Variants in SMAD1 observed in about 807,000 individuals in gnomAD.
SMAD1 encodes SMAD family member 1, also known as MAD, mothers against decapentaplegic homolog 1.
Under a neutral mutation model 41.6 loss-of-function variants are expected in SMAD1, and 6 were observed. The observed-to-expected ratio is 0.14, with a 90% CI of 0.08 to 0.28. The LOEUF (loss-of-function observed/expected upper bound fraction) is 0.28. Ranked by LOEUF, SMAD1 falls within the 10% of genes least tolerant of loss-of-function variation. The probability of loss-of-function intolerance (pLI) is 1.00; values close to 1 mark genes in which losing one functional copy is unlikely to be tolerated. For missense variants in SMAD1, 379 were observed against 582.6 expected, an observed-to-expected ratio of 0.65 and a Z score of 3.60; for synonymous variants, 206 against 203.2, an observed-to-expected ratio of 1.01 and a Z score of -0.12.
rs541672752 is a variant in SMAD1 at position 145,549,221 on chromosome 4, T to C, written c.997+2297T>C. Among the ~76,000 whole-genome samples, 56 of 152,276 alleles carry C rather than the reference T, an allele frequency of 3.7e-4. 1 individual carries two copies. The highest frequency in any genetic ancestry group is 1.1e-3 in the Admixed American group (17 of 15,294). Reference sequence around the variant, plus strand: ...TGAACAGGAGAAAAAATATTAATACTGTAAGGGACATTATTGAGATCAGCA... The same window carrying C: ...TGAACAGGAGAAAAAATATTAATACCGTAAGGGACATTATTGAGATCAGCA... On this transcript the variant is annotated intron_variant, in intron 5 of 6. Coordinates refer to ENST00000302085, the MANE Select transcript of SMAD1 (RefSeq NM_005900.3).
intron 1 of SMAD1, among the ~76,000 whole-genome samples, chr4:145,507,232 A>G (rs2118438): frequency 0.82 from 123,744 of 151,224 alleles, 51,626 homozygotes; most frequent in African/African-American, 0.96. Flanking sequence ...ATAAAAAATC[A>G]GAAGTTACAT....
chr4:145,527,712 T>C (rs1339230229), intron 2 of SMAD1, among the ~76,000 whole-genome samples: 1 of 152,038 alleles, frequency 6.6e-6, no homozygotes, highest in Non-Finnish European at 1.5e-5. Flanking sequence ...CTTTAATCAG[T>C]TTTCTCTCAA....
chr4:145,530,466 G>A (rs1046816263), intron 2 of SMAD1, among the ~76,000 whole-genome samples: 1 of 152,082 alleles, frequency 6.6e-6, no homozygotes, highest in Non-Finnish European at 1.5e-5. Context: ...AATAATCTGT[G>A]GTATACAAAA....
chr4:145,557,012 G>C (rs1178185783), intron 6 of SMAD1, among the ~76,000 whole-genome samples: 1 of 150,568 alleles, frequency 6.6e-6, no homozygotes, highest in Non-Finnish European at 1.5e-5. Flanking sequence ...GGAGTAGATA[G>C]ATAGCAGAAA....
intron 5 of SMAD1, among the ~76,000 whole-genome samples, chr4:145,553,354 A>C (rs1371615838): frequency 1.3e-5 from 2 of 152,128 alleles, no homozygotes; most frequent in Admixed American, 1.3e-4. Context: ...AGTTTCATGG[A>C]AGACAATTTT....
rs1029880338 is a variant in SMAD1, at chr4:145,482,233, C to A, written c.-177+195C>A. Among the ~76,000 whole-genome samples, 5 of 150,394 alleles carry A rather than the reference C, an allele frequency of 3.3e-5. No homozygotes were observed. Among genetic ancestry groups the A allele is most frequent in the African/African-American group, 7.3e-5 (3 of 41,218 alleles). On this transcript the variant is annotated intron_variant, in intron 1 of 6. Transcript: ENST00000302085. The surrounding 1 kb of genome is among the most constrained non-coding windows in gnomAD (Gnocchi z 4.2). Reference sequence around the variant, plus strand: ...GCGGGGCGGGCCGCGACCCCCCCCCCCCATGATGGCGCCTCCCGTCTGCTC... The same window carrying A: ...GCGGGGCGGGCCGCGACCCCCCCCCACCATGATGGCGCCTCCCGTCTGCTC...
rs555989727 is a variant in SMAD1, at chr4:145,544,805, A to T, written c.776-1898A>T. 9.2e-5 allele frequency: 14 copies of T among 152,288 alleles called. No homozygotes were observed. The East Asian group carries it at 2.1e-3, about 23-fold the overall frequency. The allele number at this position is 152,288 out of a possible 1,614,324, so 9.4% of individuals were successfully genotyped here. A position where few individuals can be genotyped will look rare whatever the true frequency, so the allele number is the denominator to read the frequency against. ...GGGGGAAATAACCCCTATCTCACAC[A>T]TCTGTGGAATTTATATTTGGGGACC... On this transcript the variant is annotated intron_variant, in intron 4 of 6. Transcript: ENST00000302085.
chr4:145,536,333 G>C (rs1731612618), intron 2 of SMAD1, among the ~76,000 whole-genome samples: 2 of 152,096 alleles, frequency 1.3e-5, no homozygotes, highest in Non-Finnish European at 2.9e-5. Context: ...CTCACTAAAG[G>C]GAACCAGAGA....
chr4:145,546,371 G>T, intron 4 of SMAD1: 1 of 242,986 alleles, frequency 4.1e-6, no homozygotes, highest in Non-Finnish European at 8.1e-6. Flanking sequence ...GTCTGTGGTA[G>T]GGGTGATTTC....
chr4:145,492,890 A>G (rs1336998912), intron 1 of SMAD1, among the ~76,000 whole-genome samples: 5 of 152,248 alleles, frequency 3.3e-5, no homozygotes, highest in African/African-American at 9.6e-5. Context: ...TATGCTGCCC[A>G]TAAGGGGATG....
At chr4:145,512,939 T>G (rs1191322578) in intron 1 of SMAD1, among the ~76,000 whole-genome samples, 1 of 152,214 alleles carries the variant, frequency 6.6e-6, no homozygotes, top group Non-Finnish European at 1.5e-5. Context: ...TAAAGACTGA[T>G]CCGTTTCATT....
intron 2 of SMAD1, among the ~76,000 whole-genome samples, chr4:145,520,169 A>T (rs1050995818): frequency 2.0e-5 from 3 of 152,190 alleles, no homozygotes; most frequent in African/African-American, 4.8e-5. Flanking sequence ...TTCCTCAAAA[A>T]ATTAAAAATA....
At chr4:145,525,617 G>C (rs1001482231) in intron 2 of SMAD1, 2 of 152,560 alleles carry the variant, frequency 1.3e-5, no homozygotes, top group African/African-American at 4.8e-5. Context: ...GTTTGGGCTG[G>C]GGTGGGTTGG....
chr4:145,493,001 C>T (rs1030718099), intron 1 of SMAD1, among the ~76,000 whole-genome samples: 5 of 152,230 alleles, frequency 3.3e-5, no homozygotes, highest in Non-Finnish European at 7.3e-5. Flanking sequence ...TTGTCTGCGT[C>T]TTCTGTCTTA....
At chr4:145,549,008 C>G (rs1405535399) in intron 5 of SMAD1, among the ~76,000 whole-genome samples, 6 of 152,116 alleles carry the variant, frequency 3.9e-5, no homozygotes, top group Non-Finnish European at 8.8e-5. Context: ...AAATCCGAAT[C>G]TAATCCTGAG....
At chr4:145,555,692 G>A (rs2126562091) in intron 6 of SMAD1, among the ~76,000 whole-genome samples, 1 of 151,406 alleles carries the variant, frequency 6.6e-6, no homozygotes, top group Middle Eastern at 3.5e-3. Flanking sequence ...ACTAATAAAA[G>A]GTATTTATAA....
At chr4:145,549,552 G>T (rs536482408) in intron 5 of SMAD1, among the ~76,000 whole-genome samples, 42 of 152,234 alleles carry the variant, frequency 2.8e-4, no homozygotes, top group African/African-American at 9.9e-4. Flanking sequence ...AGATGCATCT[G>T]GATAATGGTT....
intron 1 of SMAD1, among the ~76,000 whole-genome samples, chr4:145,485,071 A>G (rs1728414246): frequency 6.6e-6 from 1 of 151,912 alleles, no homozygotes; most frequent in Non-Finnish European, 1.5e-5. Flanking sequence ...TTGAAATTTT[A>G]TTATTCTATT....
Position 145,481,968 on chromosome 4 carries a change from G to T in SMAD1, c.-247G>T, listed in dbSNP as rs1233165406. The T allele has an allele frequency of 6.6e-6, 1 of 151,986 alleles. No homozygotes were observed. Among genetic ancestry groups the T allele is most frequent in the Non-Finnish European group, 1.5e-5 (1 of 68,040 alleles). The allele number at this position is 151,986 out of a possible 1,614,324, so 9.4% of individuals were successfully genotyped here. A position where few individuals can be genotyped will look rare whatever the true frequency, so the allele number is the denominator to read the frequency against. On this transcript the variant is annotated 5_prime_UTR_variant, in exon 1 of 7. Coordinates refer to ENST00000302085, the MANE Select transcript of SMAD1 (RefSeq NM_005900.3). ...AGAGTGGCGCAGCGCCCGGCCGTCC[G>T]GACCCGGGCCGCGAGACCCCGCTCG...
Sources: gnomAD v4.1 joint callset for allele counts (sites outside exome capture counted in the v4.1 genomes callset) on GRCh38, gnomAD v4.1.1 for gene constraint, Gnocchi (gnomAD v3.1) non-coding constraint, MANE v1.5 for transcripts, NCBI Gene and HGNC (gene_info 2026-07-23, HGNC 2026-07-21) for gene names.